Variants in SLC24A2 observed in about 807,000 individuals in gnomAD.
SLC24A2 encodes the protein sodium/potassium/calcium exchanger 2.
Under a neutral mutation model 62.0 loss-of-function variants are expected in SLC24A2, and 36 were observed. The observed-to-expected ratio is 0.58, with a 90% CI of 0.44 to 0.77. The LOEUF is 0.77. Ranked by LOEUF, SLC24A2 falls within the 30% of genes least tolerant of loss-of-function variation. SLC24A2 has a pLI of 0.00. For missense variants in SLC24A2, 846 were observed against 817.9 expected (o/e 1.03, Z -0.42); for synonymous variants, 358 against 294.0 (o/e 1.22, Z -2.23).
chr9:20,219,033 G>A, the SLC24A2 span, among the ~76,000 whole-genome samples: 17,436 of 152,184 alleles, frequency 0.11, 2,277 homozygotes, highest in East Asian at 0.61. Flanking sequence ...ACAAGAATTA[G>A]GGAAATATAT....
chr9:19,551,559 A>G (rs139529402), intron 7 of SLC24A2, among the ~76,000 whole-genome samples: 1 of 152,310 alleles, frequency 6.6e-6, no homozygotes, highest in East Asian at 1.9e-4. Context: ...ATCTAAAAAT[A>G]TCAACAGGAA....
At chr9:19,753,998 AT>A (rs1362793864) in intron 2 of SLC24A2, among the ~76,000 whole-genome samples, 1 of 152,206 alleles carries the variant, frequency 6.6e-6, no homozygotes, top group Non-Finnish European at 1.5e-5. Context: ...AAAATGACTG[AT>A]TACATATTTG....
the SLC24A2 span, among the ~76,000 whole-genome samples, chr9:20,034,451 GTTTTTTTTTTTT>G: frequency 2.4e-5 from 2 of 83,180 alleles, no homozygotes; most frequent in African/African-American, 5.3e-5. Flanking sequence ...GGCCTTTTAA[GTTTTTTTTTTTT>G]TTTTTTTTTT....
chr9:19,981,269 T>A, the SLC24A2 span, among the ~76,000 whole-genome samples: 1 of 152,194 alleles, frequency 6.6e-6, no homozygotes, highest in Non-Finnish European at 1.5e-5. Context: ...TCAAAGAACA[T>A]TTCATTGAGC....
At chr9:20,020,228 C>T in the SLC24A2 span, among the ~76,000 whole-genome samples, 8 of 152,104 alleles carry the variant, frequency 5.3e-5, no homozygotes, top group African/African-American at 1.4e-4. Flanking sequence ...TGGGTATATA[C>T]CCAAAGGATT....
chr9:20,229,803 T>G, the SLC24A2 span, among the ~76,000 whole-genome samples: 1 of 152,168 alleles, frequency 6.6e-6, no homozygotes, highest in African/African-American at 2.4e-5. Flanking sequence ...TACATACGTG[T>G]ACATGTGTCA....
At chr9:19,650,741 T>G (rs371459245) in intron 2 of SLC24A2, among the ~76,000 whole-genome samples, 13 of 148,908 alleles carry the variant, frequency 8.7e-5, no homozygotes, top group African/African-American at 3.2e-4. Flanking sequence ...CACACACAAA[T>G]AAAAATACAG....
upstream of SLC24A2, among the ~76,000 whole-genome samples, chr9:19,790,530 C>A (rs370919964): frequency 2.3e-3 from 279 of 122,304 alleles, no homozygotes; most frequent in South Asian, 3.8e-3. Context: ...ATTTGAGCAT[C>A]AAAAAAAAAA....
the SLC24A2 span, among the ~76,000 whole-genome samples, chr9:20,229,388 T>C: frequency 6.6e-6 from 1 of 152,168 alleles, no homozygotes; most frequent in Non-Finnish European, 1.5e-5. Context: ...AATAGGCTAA[T>C]ATATATAAAG....
At chr9:19,933,940 G>C in the SLC24A2 span, among the ~76,000 whole-genome samples, 3 of 152,168 alleles carry the variant, frequency 2.0e-5, no homozygotes, top group Non-Finnish European at 2.9e-5. Context: ...GCAGAAAGTA[G>C]ATTAATGGTA....
At chr9:20,121,947 C>T in the SLC24A2 span, among the ~76,000 whole-genome samples, 16,631 of 152,046 alleles carry the variant, frequency 0.11, 951 homozygotes, top group Middle Eastern at 0.17. Flanking sequence ...AAAGAATGAA[C>T]GGAAGATTGC....
the SLC24A2 span, among the ~76,000 whole-genome samples, chr9:19,920,988 C>T: frequency 1.3e-5 from 2 of 150,928 alleles, no homozygotes; most frequent in African/African-American, 4.9e-5. Flanking sequence ...TACCTACCCT[C>T]ATAGGGTTGT....
At chr9:20,228,630 G>A in the SLC24A2 span, among the ~76,000 whole-genome samples, 1 of 152,084 alleles carries the variant, frequency 6.6e-6, no homozygotes, top group South Asian at 2.1e-4. Flanking sequence ...AGAGAAGAAG[G>A]GTGAACGCCC....
chr9:19,776,661 A>G (rs1396063109), intron 2 of SLC24A2, among the ~76,000 whole-genome samples: 1 of 152,204 alleles, frequency 6.6e-6, no homozygotes, highest in East Asian at 1.9e-4. Flanking sequence ...GCTTAAGCTA[A>G]AATTATTGCT....
chr9:19,591,968 GT>G (rs1192873604), intron 5 of SLC24A2, among the ~76,000 whole-genome samples: 1 of 152,190 alleles, frequency 6.6e-6, no homozygotes, highest in Non-Finnish European at 1.5e-5. Flanking sequence ...TTATTTTAAA[GT>G]AACATTATTT....
At chr9:19,614,145 C>T (rs771087920) in intron 4 of SLC24A2, among the ~76,000 whole-genome samples, 5 of 152,112 alleles carry the variant, frequency 3.3e-5, no homozygotes, top group Admixed American at 3.3e-4. Context: ...AATATAAAGG[C>T]TTGTTTAGAG....
At chr9:20,174,676 G>T in the SLC24A2 span, among the ~76,000 whole-genome samples, 1 of 151,986 alleles carries the variant, frequency 6.6e-6, no homozygotes, top group African/African-American at 2.4e-5. Context: ...TGCAAGAATG[G>T]CCATAAACAA....
At chr9:19,914,205 A>G in the SLC24A2 span, among the ~76,000 whole-genome samples, 2 of 151,924 alleles carry the variant, frequency 1.3e-5, no homozygotes, top group African/African-American at 4.8e-5. Flanking sequence ...GACACCTGCC[A>G]CTTGAGTGTT....
chr9:20,298,757 T>C, the SLC24A2 span, among the ~76,000 whole-genome samples: 1 of 152,268 alleles, frequency 6.6e-6, no homozygotes, highest in Non-Finnish European at 1.5e-5. Context: ...ATACAACTAC[T>C]ATCTTCATTT....
Sources: gnomAD v4.1 joint callset for allele counts (sites outside exome capture counted in the v4.1 genomes callset) on GRCh38, gnomAD v4.1.1 for gene constraint, MANE v1.5 for transcripts, NCBI Gene and HGNC (gene_info 2026-07-23, HGNC 2026-07-21) for gene names.